The following ZNF670 variants were observed in gnomAD, a reference collection of about 807,000 sequenced individuals.
ZNF670 encodes the protein zinc finger protein 670.
A neutral mutation model predicts 10.9 loss-of-function variants in ZNF670; 7 were observed. That is an observed-to-expected ratio of 0.64 (90% CI 0.36 to 1.20). The LOEUF (loss-of-function observed/expected upper bound fraction) is 1.20, where lower values mean the gene tolerates loss of function less well. Among genes scored for constraint, ZNF670 ranks in the 50% most tolerant of loss-of-function variants. The pLI is 0.02. For missense variants in ZNF670, 446 were observed against 458.6 expected, an observed-to-expected ratio of 0.97 and a Z score of 0.25; for synonymous variants, 136 against 152.7, an observed-to-expected ratio of 0.89 and a Z score of 0.81.
In ZNF670 at chr1:247,037,267, G is replaced by T; in HGVS notation, c.*182C>A. 1 of 602,772 alleles carries T rather than the reference G, an allele frequency of 1.7e-6. No individual in the cohort carries two copies. The highest frequency in any genetic ancestry group is 2.6e-6 in the Non-Finnish European group (1 of 383,468). The allele number at this position is 602,772 out of a possible 1,614,324, so 37.3% of individuals were successfully genotyped here. On this transcript the variant is annotated 3_prime_UTR_variant, in exon 4 of 4. Coordinates refer to ENST00000366503, the MANE Select transcript of ZNF670 (RefSeq NM_033213.5). ...ATTTTATGACGTTCTTTCCCAGGAC[G>T]GGTCCTTCTAAGTTTTAGAAGGGAA...
intron 1 of ZNF670, among the ~76,000 whole-genome samples, chr1:247,075,563 C>T (rs1671232099): frequency 6.6e-6 from 1 of 152,116 alleles, no homozygotes; most frequent in Non-Finnish European, 1.5e-5. Flanking sequence ...CAGGTCTTTC[C>T]CCTGCTGTTC....
chr1:247,037,685 T>C lies in ZNF670; in HGVS notation c.934A>G (p.Lys312Glu). ...THSGEKPYEC[K>E]QCGKAFKYSS... ...TATTTGAAGGCTTTACCACATTGTT[T>C]ACATTCATAGGGCTTTTCTCCACTG... Residue 312 changes from lysine (K) to glutamate (E), a missense_variant, in exon 4 of 4, where the codon AAA becomes GAA. Physicochemically the swap from Lys to Glu is moderately conservative, Grantham distance 56 (BLOSUM62 1). Transcript: ENST00000366503. The C allele has an allele frequency of 6.2e-7, 1 of 1,614,074 alleles. No individual in the cohort carries two copies. The highest frequency in any genetic ancestry group is 8.5e-7 in the Non-Finnish European group (1 of 1,179,984).
At chr1:247,062,664 C>G (rs563453164) in intron 1 of ZNF670, among the ~76,000 whole-genome samples, 3 of 152,318 alleles carry the variant, frequency 2.0e-5, no homozygotes, top group South Asian at 4.1e-4. Flanking sequence ...TACTGTGCCC[C>G]CTGTGTGTCC....
At position 247,035,952 on chromosome 1, in the gene ZNF670, G is replaced by C. The variant is rs1670139715; in HGVS notation, c.*1497C>G. Among the ~76,000 whole-genome samples, 1 of 152,166 alleles carries C rather than the reference G, an allele frequency of 6.6e-6. No individual in the cohort carries two copies. Among genetic ancestry groups the C allele is most frequent in the Admixed American group, 6.5e-5 (1 of 15,276 alleles). ...TAATGAGCATTTCTGTTGAGCATAA[G>C]ACTGGTGCTCAAACAGTTTTTGACT... On this transcript the variant is annotated 3_prime_UTR_variant, in exon 4 of 4. Coordinates refer to ENST00000366503, the MANE Select transcript of ZNF670 (RefSeq NM_033213.5).
chr1:247,050,869 C>T (rs2103059132), intron 1 of ZNF670, among the ~76,000 whole-genome samples: 1 of 152,222 alleles, frequency 6.6e-6, no homozygotes, highest in Admixed American at 6.5e-5. Context: ...AGGTACCCTT[C>T]TATTAATCAT....
chr1:247,047,899 ATT>A lies in ZNF670; in HGVS notation c.4-8364_4-8363del, dbSNP rs556198801. Among the ~76,000 whole-genome samples the A allele has an allele frequency of 2.8e-3, 418 of 151,972 alleles. 4 individuals are homozygous for A. The highest frequency in any genetic ancestry group is 1.9e-3 in the Non-Finnish European group (126 of 67,942). On this transcript the variant is annotated intron_variant, in intron 1 of 3. Coordinates refer to ENST00000366503, the MANE Select transcript of ZNF670 (RefSeq NM_033213.5). Reference sequence around the variant, plus strand: ...GCCCTGGGTCCCGGATCATGAAACCATTTTTTTCTCCTATGCCTCCAAGCCTG... The same window carrying A: ...GCCCTGGGTCCCGGATCATGAAACCATTTTTCTCCTATGCCTCCAAGCCTG...
rs190992512 is a variant in ZNF670, at chr1:247,065,530, T to C, written c.3+13064A>G. 3.6e-4 allele frequency among the ~76,000 whole-genome samples: 54 copies of C among 151,840 alleles called. No homozygotes were observed. In the Middle Eastern group the frequency reaches 0.014, roughly 38 times the overall value. On this transcript the variant is annotated intron_variant, in intron 1 of 3. Transcript: ENST00000366503. ...GAGTCCATCAAATGGTAGACTGGAG[T>C]GAAAAGAAAAAATTACCTTGGGAAA...
chr1:247,048,481 G>A (rs577377766), intron 1 of ZNF670, among the ~76,000 whole-genome samples: 55 of 152,212 alleles, frequency 3.6e-4, no homozygotes, highest in African/African-American at 1.3e-3. Context: ...ACATCTTCCT[G>A]TCTCCTTCTG....
At position 247,037,921 on chromosome 1, in the gene ZNF670, G is replaced by C. The variant is rs1670200809; in HGVS notation, c.698C>G (p.Ser233Ter). The C allele has an allele frequency of 1.2e-6, 2 of 1,613,888 alleles. No homozygotes were observed. Among genetic ancestry groups the C allele is most frequent in the African/African-American group, 2.7e-5 (2 of 74,926 alleles). Residue 233 changes from serine to a stop codon, truncating the protein, a stop_gained, in exon 4 of 4, where the codon TCA (serine) becomes TGA (stop). Transcript: ENST00000366503. LOFTEE classifies it low-confidence loss of function (END_TRUNC). ...GCGAAGAGAACTGGAAAAAGTGAAT[G>C]ATTTACCACATTTCTTACATGCATA... ...KPYACKKCGKSFTFSSSLRQH... is the reference protein window; with the variant it reads ...KPYACKKCGK
At chr1:247,076,425 T>G (rs1409203220) in intron 1 of ZNF670, among the ~76,000 whole-genome samples, 2 of 150,882 alleles carry the variant, frequency 1.3e-5, no homozygotes, top group Non-Finnish European at 3.0e-5. Context: ...CCCGGCTAAT[T>G]TTTTGTATTT....
chr1:247,054,001 T>C (rs1670659245), intron 1 of ZNF670, among the ~76,000 whole-genome samples: 1 of 152,240 alleles, frequency 6.6e-6, no homozygotes, highest in Admixed American at 6.5e-5. Context: ...AGCAGCCGCA[T>C]AGCATAGAGA....
At chr1:247,040,934 A>G (rs1003193197) in intron 1 of ZNF670, among the ~76,000 whole-genome samples, 2 of 152,156 alleles carry the variant, frequency 1.3e-5, no homozygotes, top group Admixed American at 6.6e-5. Flanking sequence ...ACCTCAGGTA[A>G]TCTGCCTGCC....
At position 247,037,124 on chromosome 1, in the gene ZNF670, T is replaced by C. The variant is rs1670173469; in HGVS notation, c.*325A>G. ...AGTATCTGTGAAATTCTCAGCTCCATGATTCCCTGCAAAAAACTGAAAATC... is the reference window on the plus strand; with the variant it reads ...AGTATCTGTGAAATTCTCAGCTCCACGATTCCCTGCAAAAAACTGAAAATC... On this transcript the variant is annotated 3_prime_UTR_variant, in exon 4 of 4. Coordinates refer to ENST00000366503, the MANE Select transcript of ZNF670 (RefSeq NM_033213.5). The C allele has an allele frequency of 4.6e-6, 1 of 218,776 alleles. No homozygotes were observed. Among genetic ancestry groups the C allele is most frequent in the Non-Finnish European group, 9.0e-6 (1 of 110,696 alleles). The allele number at this position is 218,776 out of a possible 1,614,324, so 13.6% of individuals were successfully genotyped here. A position where few individuals can be genotyped will look rare whatever the true frequency, so the allele number is the denominator to read the frequency against.
chr1:247,063,830 A>G (rs1474270202), intron 1 of ZNF670, among the ~76,000 whole-genome samples: 1 of 152,190 alleles, frequency 6.6e-6, no homozygotes, highest in African/African-American at 2.4e-5. Context: ...TCACAGCCAC[A>G]CAATCTGAGG....
intron 1 of ZNF670, among the ~76,000 whole-genome samples, chr1:247,040,753 C>T (rs80339576): frequency 0.056 from 8,590 of 152,106 alleles, 442 homozygotes; most frequent in East Asian, 0.27. Flanking sequence ...AGTGCAATGG[C>T]GTGATCTCGG....
intron 1 of ZNF670, among the ~76,000 whole-genome samples, chr1:247,045,142 G>A (rs1182935737): frequency 6.6e-6 from 1 of 152,180 alleles, no homozygotes; most frequent in African/African-American, 2.4e-5. Flanking sequence ...AATCCTCTAA[G>A]AGTAGCAGTA....
intron 1 of ZNF670, among the ~76,000 whole-genome samples, chr1:247,054,746 G>A (rs72768396): frequency 0.026 from 3,986 of 152,290 alleles, 70 homozygotes; most frequent in African/African-American, 0.035. Flanking sequence ...GGTGACAACA[G>A]TGACAGACTC....
In ZNF670 at chr1:247,068,319, CAAAAAA is replaced by C. The variant is rs74163724; in HGVS notation, c.3+10269_3+10274del. Among the ~76,000 whole-genome samples the C allele has an allele frequency of 3.3e-4, 18 of 55,280 alleles. 4 individuals are homozygous for C. The highest frequency in any genetic ancestry group is 1.6e-3 in the Admixed American group (8 of 4,982). The allele number at this position is 55,280 out of a possible 152,430, so 36.3% of individuals were successfully genotyped here. On this transcript the variant is annotated intron_variant, in intron 1 of 3. Transcript: ENST00000366503. ...AGGTGACAGAGTAAGATTCTGTCTC[CAAAAAA>C]AAAAAAAAAAAAGATGGGCAAAAGA...
chr1:247,058,089 A>G (rs1670762347), intron 1 of ZNF670, among the ~76,000 whole-genome samples: 1 of 152,206 alleles, frequency 6.6e-6, no homozygotes, highest in Non-Finnish European at 1.5e-5. Flanking sequence ...GTATCAAAAT[A>G]TCTCATGTAA....
Sources: gnomAD v4.1 joint callset for allele counts (sites outside exome capture counted in the v4.1 genomes callset) on GRCh38, gnomAD v4.1.1 for gene constraint, MANE v1.5 for transcripts, NCBI Gene and HGNC (gene_info 2026-07-23, HGNC 2026-07-21) for gene names.